BRINP3: variants seen among roughly 807,000 people sequenced by gnomAD.
BRINP3 encodes BMP/retinoic acid inducible neural specific 3.
In BRINP3, 19 loss-of-function variants were observed where a neutral mutation model predicts 71.0. That is an observed-to-expected ratio of 0.27 (90% CI 0.19 to 0.39). BRINP3 has a LOEUF of 0.39. Ranked by LOEUF, BRINP3 falls within the 10% of genes least tolerant of loss-of-function variation. The pLI, the probability that BRINP3 is intolerant of heterozygous loss-of-function variation, is 1.00. For missense variants in BRINP3, 959 were observed against 940.8 expected, an observed-to-expected ratio of 1.02 and a Z score of -0.25; for synonymous variants, 380 against 337.7, an observed-to-expected ratio of 1.13 and a Z score of -1.37.
chr1:190,166,417 T>G (rs1651544119), intron 6 of BRINP3, among the ~76,000 whole-genome samples: 1 of 152,192 alleles, frequency 6.6e-6, no homozygotes, highest in Non-Finnish European at 1.5e-5. Context: ...GCCCTGTTTA[T>G]GACCCCATTC....
At chr1:190,210,418 T>G (rs575655504) in intron 6 of BRINP3, among the ~76,000 whole-genome samples, 9 of 152,132 alleles carry the variant, frequency 5.9e-5, no homozygotes, top group Non-Finnish European at 1.3e-4. Context: ...TTTTTCAGAT[T>G]AAACTGAATC....
intron 7 of BRINP3, among the ~76,000 whole-genome samples, chr1:190,148,814 C>T (rs1426198579): frequency 6.6e-6 from 1 of 151,834 alleles, no homozygotes; most frequent in Non-Finnish European, 1.5e-5. Flanking sequence ...CATTCTATTA[C>T]TTAATGTTTT....
intron 1 of BRINP3, among the ~76,000 whole-genome samples, chr1:190,477,087 C>G (rs959066876): frequency 2.0e-5 from 3 of 152,076 alleles, no homozygotes; most frequent in Non-Finnish European, 4.4e-5. Context: ...TAAGCTCTCT[C>G]TTAGATAAAC....
intron 2 of BRINP3, among the ~76,000 whole-genome samples, chr1:190,307,306 C>T (rs1159387199): frequency 2.5e-5 from 3 of 119,182 alleles, no homozygotes; most frequent in South Asian, 2.8e-4. Context: ...TCTCGCTCTG[C>T]CACCCAGGCT....
chr1:190,174,049 G>A (rs1392304728), intron 6 of BRINP3, among the ~76,000 whole-genome samples: 4 of 152,056 alleles, frequency 2.6e-5, no homozygotes, highest in Non-Finnish European at 4.4e-5. Context: ...AGTATCTCAG[G>A]GACCAGCAGA....
At chr1:190,384,086 T>G (rs956858162) in intron 2 of BRINP3, among the ~76,000 whole-genome samples, 7 of 151,752 alleles carry the variant, frequency 4.6e-5, no homozygotes, top group Admixed American at 6.6e-5. Flanking sequence ...TGTCATATGG[T>G]TTCATATATA....
chr1:190,168,326 AT>A (rs1187470105), intron 6 of BRINP3, among the ~76,000 whole-genome samples: 1 of 152,172 alleles, frequency 6.6e-6, no homozygotes, highest in Non-Finnish European at 1.5e-5. Context: ...TTCCTGAATC[AT>A]TTCAAAGACC....
chr1:190,426,681 AT>A (rs929142422), intron 2 of BRINP3, among the ~76,000 whole-genome samples: 3 of 151,884 alleles, frequency 2.0e-5, no homozygotes, highest in African/African-American at 7.2e-5. Context: ...CAATTTAAAT[AT>A]TTATACAAAG....
chr1:190,190,591 CA>C (rs1334337551), intron 6 of BRINP3, among the ~76,000 whole-genome samples: 1 of 152,078 alleles, frequency 6.6e-6, no homozygotes, highest in African/African-American at 2.4e-5. Flanking sequence ...ATACTCTCCT[CA>C]CCAATAACTA....
chr1:190,361,609 T>A (rs1571860510), intron 2 of BRINP3, among the ~76,000 whole-genome samples: 1 of 152,090 alleles, frequency 6.6e-6, no homozygotes, highest in Admixed American at 6.6e-5. Flanking sequence ...TCACCATGTT[T>A]GCCAGGATGG....
chr1:190,465,331 G>C (rs956874555), intron 1 of BRINP3, among the ~76,000 whole-genome samples: 2 of 151,886 alleles, frequency 1.3e-5, no homozygotes, highest in East Asian at 3.9e-4. Context: ...TATAGGGAAC[G>C]CTTTGACAAA....
At chr1:190,124,637 T>G (rs1653945819) in intron 7 of BRINP3, among the ~76,000 whole-genome samples, 1 of 152,086 alleles carries the variant, frequency 6.6e-6, no homozygotes, top group African/African-American at 2.4e-5. Context: ...TTTATTTATA[T>G]TATGTATTTA....
intron 7 of BRINP3, among the ~76,000 whole-genome samples, chr1:190,122,237 T>C (rs1653729858): frequency 6.6e-6 from 1 of 152,132 alleles, no homozygotes; most frequent in South Asian, 2.1e-4. Context: ...CATTCATGTA[T>C]TGATGCATTC....
intron 4 of BRINP3, among the ~76,000 whole-genome samples, chr1:190,235,572 T>C (rs1658436985): frequency 6.6e-6 from 1 of 151,992 alleles, no homozygotes; most frequent in Non-Finnish European, 1.5e-5. Flanking sequence ...AGCTCCGTGT[T>C]ACCTCCCTAA....
intron 6 of BRINP3, among the ~76,000 whole-genome samples, chr1:190,198,718 C>T (rs1400015619): frequency 6.6e-6 from 1 of 152,108 alleles, no homozygotes; most frequent in Non-Finnish European, 1.5e-5. Context: ...CTGAGACCAC[C>T]TCAGTCTCGA....
intron 2 of BRINP3, among the ~76,000 whole-genome samples, chr1:190,332,060 T>C (rs1667000020): frequency 6.6e-6 from 1 of 152,058 alleles, no homozygotes; most frequent in South Asian, 2.1e-4. Context: ...CCATTTACAA[T>C]AAGACAAACT....
At chr1:190,340,706 A>G (rs557006964) in intron 2 of BRINP3, among the ~76,000 whole-genome samples, 1 of 151,640 alleles carries the variant, frequency 6.6e-6, no homozygotes, top group East Asian at 2.0e-4. Context: ...AACCTTTCTT[A>G]TGAATGAGAA....
intron 6 of BRINP3, among the ~76,000 whole-genome samples, chr1:190,175,179 A>G (rs1265597713): frequency 6.6e-6 from 1 of 152,182 alleles, no homozygotes; most frequent in East Asian, 1.9e-4. Context: ...ATGTAATAGC[A>G]GGTCTAACAC....
chr1:190,122,915 C>A (rs1345644911), intron 7 of BRINP3, among the ~76,000 whole-genome samples: 1 of 152,102 alleles, frequency 6.6e-6, no homozygotes, highest in Non-Finnish European at 1.5e-5. Flanking sequence ...ATGCATGAAT[C>A]TGAGGTCATG....
Sources: allele counts gnomAD v4.1 joint callset (sites outside exome capture counted in the v4.1 genomes callset), GRCh38; gene constraint gnomAD v4.1.1; transcripts MANE v1.5; gene names NCBI Gene and HGNC (gene_info 2026-07-23, HGNC 2026-07-21).